CREB5: variants seen among roughly 807,000 people sequenced by gnomAD.
The protein encoded by CREB5 is cyclic AMP-responsive element-binding protein 5.
A neutral mutation model predicts 57.1 loss-of-function variants in CREB5; 19 were observed. The ratio of observed to expected loss-of-function variants is 0.33; its 90% confidence interval spans 0.23 to 0.49. The LOEUF is 0.49. Among genes scored for constraint, CREB5 ranks in the 20% least tolerant of loss-of-function variants. The pLI is 0.99. For missense variants in CREB5, 579 were observed against 671.6 expected (o/e 0.86, Z 1.52); for synonymous variants, 238 against 238.3 (o/e 1.00, Z 0.01).
At chr7:28,560,903 CGCGTGCGTGTGCGT>C (rs1795165028) in intron 4 of CREB5, among the ~76,000 whole-genome samples, 5 of 26,150 alleles carry the variant, frequency 1.9e-4, no homozygotes, top group Non-Finnish European at 3.2e-4. Context: ...TGTGCGTGCG[CGCGTGCGTGTGCGT>C]GTGTGCGCGT....
intron 1 of CREB5, among the ~76,000 whole-genome samples, chr7:28,481,651 T>A (rs892139813): frequency 2.0e-5 from 3 of 152,138 alleles, no homozygotes; most frequent in African/African-American, 4.8e-5. Context: ...GAAATTCAGA[T>A]TCTGACTGCA....
intron 9 of CREB5, among the ~76,000 whole-genome samples, chr7:28,817,394 A>T (rs182869493): frequency 6.6e-6 from 1 of 152,272 alleles, no homozygotes; most frequent in Admixed American, 6.5e-5. Flanking sequence ...GAGAGCAGGG[A>T]TTCATGACTG....
intron 5 of CREB5, among the ~76,000 whole-genome samples, chr7:28,612,432 A>T (rs1797427011): frequency 6.6e-6 from 1 of 152,072 alleles, no homozygotes; most frequent in Non-Finnish European, 1.5e-5. Flanking sequence ...GAGACACTTT[A>T]AAAAAATGTA....
At chr7:28,402,084 A>G (rs1420489192) in intron 1 of CREB5, among the ~76,000 whole-genome samples, 1 of 152,110 alleles carries the variant, frequency 6.6e-6, no homozygotes, top group Non-Finnish European at 1.5e-5. Context: ...TTGTTTCCTG[A>G]CTTTTTAATG....
At chr7:28,725,107 A>G (rs1043035264) in intron 7 of CREB5, among the ~76,000 whole-genome samples, 4 of 152,240 alleles carry the variant, frequency 2.6e-5, no homozygotes, top group African/African-American at 7.2e-5. Flanking sequence ...ACTGCAAAAT[A>G]CACTGCAGCA....
intron 5 of CREB5, among the ~76,000 whole-genome samples, chr7:28,611,337 A>C (rs1279094007): frequency 6.6e-6 from 1 of 151,790 alleles, no homozygotes; most frequent in Non-Finnish European, 1.5e-5. Context: ...TAAGTCACCT[A>C]AATATTATTT....
At chr7:28,392,668 C>G (rs1787245314) in intron 1 of CREB5, among the ~76,000 whole-genome samples, 1 of 152,164 alleles carries the variant, frequency 6.6e-6, no homozygotes, top group African/African-American at 2.4e-5. Context: ...CTTTCATAGA[C>G]TCTTAGAATT....
chr7:28,395,595 G>A lies in CREB5; in HGVS notation c.-25+96154G>A, dbSNP rs78512934. ...ATATCTGACTTGCACTATTCTCCAC[G>A]TTGCAACAGGTTGGTTTACATTGTG... On this transcript the variant is annotated intron_variant, in intron 1 of 9. Coordinates refer to the CREB5 transcript ENST00000396299. Among the ~76,000 whole-genome samples, 1,115 of 152,116 alleles carry A rather than the reference G, an allele frequency of 7.3e-3. 15 individuals are homozygous for A. Among genetic ancestry groups the A allele is most frequent in the African/African-American group, 0.024 (1,012 of 41,482 alleles).
intron 5 of CREB5, among the ~76,000 whole-genome samples, chr7:28,649,601 G>A (rs932706758): frequency 7.2e-5 from 11 of 152,156 alleles, no homozygotes; most frequent in South Asian, 2.1e-4. Flanking sequence ...CAACCCGCTT[G>A]GAATGTATTT....
intron 1 of CREB5, among the ~76,000 whole-genome samples, chr7:28,454,089 G>T (rs1216961434): frequency 6.6e-6 from 1 of 151,736 alleles, no homozygotes; most frequent in Non-Finnish European, 1.5e-5. Context: ...GAGTAGCTGG[G>T]ACTACAGGCA....
At chr7:28,379,377 C>T (rs1417801349) in intron 1 of CREB5, among the ~76,000 whole-genome samples, 2 of 152,152 alleles carry the variant, frequency 1.3e-5, no homozygotes, top group Non-Finnish European at 2.9e-5. Context: ...TTCTGCTGAC[C>T]CTCAGTGTTT....
At chr7:28,790,663 T>A (rs542746641) in intron 7 of CREB5, among the ~76,000 whole-genome samples, 26 of 152,272 alleles carry the variant, frequency 1.7e-4, no homozygotes, top group Non-Finnish European at 3.2e-4. Context: ...ATCGTGGACA[T>A]GCTGAAGGAA....
chr7:28,660,887 T>A (rs1424649664), intron 5 of CREB5, among the ~76,000 whole-genome samples: 1 of 152,204 alleles, frequency 6.6e-6, no homozygotes, highest in African/African-American at 2.4e-5. Flanking sequence ...TTCCCCCTCC[T>A]TGCTCTTCAC....
chr7:28,824,381 T>C lies in CREB5; in HGVS notation c.*5102T>C, dbSNP rs1382375612. ...AGGAGACTTATTCTTTTGTGCACCC[T>C]GGTGCACATCTGACTGTTGTCCTAG... is the stretch of plus-strand genomic sequence containing the variant. On this transcript the variant is annotated 3_prime_UTR_variant, in exon 11 of 11. Coordinates refer to ENST00000357727, the MANE Select transcript of CREB5 (RefSeq NM_182898.4). The C allele has an allele frequency of 2.0e-5, 3 of 152,668 alleles. No homozygotes were observed. The highest frequency in any genetic ancestry group is 6.5e-5 in the Admixed American group (1 of 15,280). 9.5% of individuals were successfully genotyped at this position (152,668 alleles called of 1,614,324 possible).
chr7:28,390,032 T>C (rs1329966536), intron 1 of CREB5, among the ~76,000 whole-genome samples: 1 of 145,460 alleles, frequency 6.9e-6, no homozygotes, highest in Non-Finnish European at 1.5e-5. Context: ...GTATTTCATG[T>C]CAAGTAGGAG....
At chr7:28,564,436 G>A (rs571550980) in intron 4 of CREB5, among the ~76,000 whole-genome samples, 16 of 152,282 alleles carry the variant, frequency 1.1e-4, no homozygotes, top group African/African-American at 3.6e-4. Flanking sequence ...AAACACGGAT[G>A]TATGTTTATG....
At chr7:28,814,367 A>T (rs755183859) in intron 9 of CREB5, among the ~76,000 whole-genome samples, 45 of 152,224 alleles carry the variant, frequency 3.0e-4, no homozygotes, top group Non-Finnish European at 5.0e-4. Context: ...CTTATGAAAT[A>T]TAATGAAGGC....
chr7:28,341,729 T>C (rs1785941140), intron 1 of CREB5, among the ~76,000 whole-genome samples: 1 of 152,256 alleles, frequency 6.6e-6, no homozygotes, highest in South Asian at 2.1e-4. Context: ...TAGTGAATTG[T>C]ATGTAGTGGA....
intron 2 of CREB5, 30 bp downstream of exon 2, chr7:28,488,276 A>T (rs10233036): frequency 6.3e-7 from 1 of 1,598,020 alleles, no homozygotes; most frequent in African/African-American, 1.3e-5. Context: ...CTGCTCTGAC[A>T]TGCAGGGCCT....
Sources: gnomAD v4.1 joint callset for allele counts (sites outside exome capture counted in the v4.1 genomes callset) on GRCh38, gnomAD v4.1.1 for gene constraint, MANE v1.5 for transcripts, NCBI Gene and HGNC (gene_info 2026-07-23, HGNC 2026-07-21) for gene names.